The following RORA variants were observed in gnomAD, a reference collection of about 807,000 sequenced individuals.
RORA encodes RAR related orphan receptor A.
In RORA, 7 loss-of-function variants were observed where a neutral mutation model predicts 69.5. The ratio of observed to expected loss-of-function variants is 0.10; its 90% CI spans 0.06 to 0.19. The LOEUF (loss-of-function observed/expected upper bound fraction) is 0.19. RORA is among the 10% of genes least tolerant of loss of function. RORA has a pLI of 1.00. For synonymous variants in RORA, 261 were observed against 240.8 expected, an observed-to-expected ratio of 1.08 and a Z score of -0.78; for missense variants, 457 against 663.0, an observed-to-expected ratio of 0.69 and a Z score of 3.41.
chr15:61,075,396 C>G (rs1403253372), intron 1 of RORA, among the ~76,000 whole-genome samples: 3 of 152,138 alleles, frequency 2.0e-5, no homozygotes, highest in Non-Finnish European at 4.4e-5. Flanking sequence ...TTCGACCATG[C>G]CTTCCTAGGG....
chr15:60,877,455 T>A (rs1340321254), intron 1 of RORA, among the ~76,000 whole-genome samples: 1 of 152,236 alleles, frequency 6.6e-6, no homozygotes, highest in African/African-American at 2.4e-5. Flanking sequence ...GTTCTTCCCC[T>A]GAGATAGTAA....
chr15:60,521,983 G>A (rs1166466200), intron 3 of RORA, among the ~76,000 whole-genome samples: 1 of 152,078 alleles, frequency 6.6e-6, no homozygotes, highest in Non-Finnish European at 1.5e-5. Context: ...AAAAATGACT[G>A]TATACTATGA....
chr15:61,112,290 T>C (rs2079013365), intron 1 of RORA, among the ~76,000 whole-genome samples: 5 of 152,204 alleles, frequency 3.3e-5, no homozygotes, highest in Admixed American at 3.3e-4. Context: ...CGTCATGGAC[T>C]GGGGGGCATG....
intron 1 of RORA, among the ~76,000 whole-genome samples, chr15:60,942,966 A>G (rs1892746035): frequency 6.6e-6 from 1 of 152,162 alleles, no homozygotes; most frequent in South Asian, 2.1e-4. Flanking sequence ...AATTTATTAG[A>G]TTTTCTTTTC....
At chr15:61,082,825 G>C (rs1566979834) in intron 1 of RORA, among the ~76,000 whole-genome samples, 1 of 152,132 alleles carries the variant, frequency 6.6e-6, no homozygotes, top group Non-Finnish European at 1.5e-5. Flanking sequence ...TCTAAGAGAA[G>C]AGATAAAATA....
chr15:60,903,189 T>C, intron 1 of RORA, among the ~76,000 whole-genome samples: 1 of 152,120 alleles, frequency 6.6e-6, no homozygotes, highest in East Asian at 1.9e-4. Flanking sequence ...TTTGGAAGGT[T>C]CCAGGAGAAG....
At chr15:60,908,288 T>C (rs1891602717) in intron 1 of RORA, among the ~76,000 whole-genome samples, 1 of 152,210 alleles carries the variant, frequency 6.6e-6, no homozygotes, top group Non-Finnish European at 1.5e-5. Flanking sequence ...TGGCATCACA[T>C]TATATCCATT....
chr15:60,571,462 C>A (rs143455973), intron 2 of RORA, among the ~76,000 whole-genome samples: 2 of 152,034 alleles, frequency 1.3e-5, no homozygotes, highest in African/African-American at 4.8e-5. Context: ...CCAATTAAAC[C>A]TTTTGATAGA....
At chr15:60,950,083 G>A (rs1021709446) in intron 1 of RORA, among the ~76,000 whole-genome samples, 42 of 151,470 alleles carry the variant, frequency 2.8e-4, no homozygotes, top group Non-Finnish European at 4.9e-4. Flanking sequence ...GACTAACAGC[G>A]GATCTCTCGG....
chr15:60,799,599 T>C (rs341422), intron 1 of RORA, among the ~76,000 whole-genome samples: 150,590 of 152,166 alleles, frequency 0.99, 74,530 homozygotes, highest in East Asian at 1. Context: ...GCGGGGGAGA[T>C]GAGTCACTAA....
chr15:60,720,033 C>T lies in RORA; in HGVS notation c.167-41347G>A, dbSNP rs141870666. On this transcript the variant is annotated intron_variant, in intron 1 of 10. Transcript: ENST00000335670. Reference sequence around the variant, plus strand: ...CTCCCAGCCTTTATTGTTCCTTTTCCAGTCTTTGTCATAAAATAGAAAGAG... The same window carrying T: ...CTCCCAGCCTTTATTGTTCCTTTTCTAGTCTTTGTCATAAAATAGAAAGAG... 3.2e-4 allele frequency among the ~76,000 whole-genome samples: 49 copies of T among 152,266 alleles called. No homozygotes were observed. In the East Asian group the frequency reaches 9.3e-3, roughly 29 times the overall value.
intron 2 of RORA, among the ~76,000 whole-genome samples, chr15:60,577,329 T>C (rs945321859): frequency 6.6e-6 from 1 of 152,226 alleles, no homozygotes; most frequent in African/African-American, 2.4e-5. Context: ...TTTTGGTCTC[T>C]GTATACTTTT....
chr15:61,106,262 T>C (rs1566991770), intron 1 of RORA, among the ~76,000 whole-genome samples: 1 of 152,334 alleles, frequency 6.6e-6, no homozygotes, highest in East Asian at 1.9e-4. Context: ...CACATGGGCC[T>C]TTCCCACAAG....
intron 1 of RORA, among the ~76,000 whole-genome samples, chr15:60,873,496 T>C (rs1043830797): frequency 6.6e-6 from 1 of 152,196 alleles, no homozygotes; most frequent in African/African-American, 2.4e-5. Context: ...TACATTCATA[T>C]AACTTGTGGT....
chr15:60,943,983 G>A (rs1188412840), intron 1 of RORA, among the ~76,000 whole-genome samples: 3 of 142,302 alleles, frequency 2.1e-5, no homozygotes, highest in Non-Finnish European at 3.0e-5. Flanking sequence ...GCATAAATGA[G>A]CATAAATATA....
intron 1 of RORA, among the ~76,000 whole-genome samples, chr15:61,168,876 G>C (rs1404497549): frequency 6.6e-6 from 1 of 152,122 alleles, no homozygotes; most frequent in Admixed American, 6.5e-5. Flanking sequence ...CAAAGTCTCT[G>C]ACAGCCTAAA....
At chr15:61,226,000 C>T (rs2080142367) in intron 1 of RORA, among the ~76,000 whole-genome samples, 1 of 152,138 alleles carries the variant, frequency 6.6e-6, no homozygotes, top group South Asian at 2.1e-4. Context: ...GTTTTATGGA[C>T]AGGGGAAGGT....
chr15:61,179,345 G>A (rs1002153036), intron 1 of RORA, among the ~76,000 whole-genome samples: 4 of 152,136 alleles, frequency 2.6e-5, no homozygotes, highest in Non-Finnish European at 4.4e-5. Context: ...AGCAGAGCTG[G>A]GAATCCAGCT....
intron 1 of RORA, chr15:60,849,177 T>A (rs2073298531): frequency 6.6e-6 from 1 of 152,182 alleles, no homozygotes; most frequent in Admixed American, 6.5e-5. Flanking sequence ...ATTTTCTGTC[T>A]CTCCTGACTA....
Sources: gnomAD v4.1 joint callset for allele counts (sites outside exome capture counted in the v4.1 genomes callset) on GRCh38, gnomAD v4.1.1 for gene constraint, MANE v1.5 for transcripts, NCBI Gene and HGNC (gene_info 2026-07-23, HGNC 2026-07-21) for gene names.